SHTN1: variants seen among roughly 807,000 people sequenced by gnomAD.
SHTN1 encodes the protein shootin 1, also known as shootin-1.
In SHTN1, 42 loss-of-function variants were observed where a neutral mutation model predicts 83.1. That is an observed-to-expected ratio of 0.51 (90% CI 0.39 to 0.65). SHTN1 has a LOEUF of 0.65. Ranked by LOEUF, SHTN1 falls within the 30% of genes least tolerant of loss-of-function variation. The probability of loss-of-function intolerance (pLI) is 0.00; values close to 1 mark genes in which losing one functional copy is unlikely to be tolerated. For synonymous variants in SHTN1, 224 were observed against 247.7 expected (o/e 0.90, Z 0.90); for missense variants, 622 against 737.8 (o/e 0.84, Z 1.82).
At position 116,883,098 on chromosome 10, in the gene SHTN1, T is replaced by G. The variant is rs1847068191; in HGVS notation, c.*3246A>C. The G allele has an allele frequency of 6.6e-6, 1 of 151,884 alleles. No homozygotes were observed. Among genetic ancestry groups the G allele is most frequent in the Non-Finnish European group, 1.5e-5 (1 of 67,998 alleles). The allele number at this position is 151,884 out of a possible 1,614,324, so 9.4% of individuals were successfully genotyped here. On this transcript the variant is annotated 3_prime_UTR_variant, in exon 17 of 17. Transcript: ENST00000355371. ...TGAATAACAAAATAACTAAATTAAA[T>G]TAACCAAAGAGGTGATTTATTACAA...
rs537210931 is a variant in SHTN1 at position 116,987,291 on chromosome 10, A to T, written c.59-7983T>A. ...AATGATAAAACTATGATCTAATCAC[A>T]GAACTACAGAACACTTCCCTTCCTT... On this transcript the variant is annotated intron_variant, in intron 1 of 16. Transcript: ENST00000355371. 1.1e-4 allele frequency among the ~76,000 whole-genome samples: 16 copies of T among 152,324 alleles called. No homozygotes were observed. The East Asian group carries it at 3.1e-3, about 29-fold the overall frequency.
At chr10:116,940,425 A>ATG (rs112059393) in intron 9 of SHTN1, 41 bp downstream of exon 9, 8 of 1,586,068 alleles carry the variant, frequency 5.0e-6, no homozygotes, top group African/African-American at 1.3e-5. Flanking sequence ...GTATGCATGT[A>ATG]TGTGTGTGTG....
Position 116,979,248 on chromosome 10 carries a change from G to T in SHTN1, c.111+8C>A, listed in dbSNP as rs901497010. On this transcript the variant is annotated splice_region_variant and intron_variant, in intron 2 of 16. Transcript: ENST00000355371. ...TAAGAAAGGGGAAAAAAAAGGTAAA[G>T]TACAAACCTTCTCCTTTGTTTTCTG... The T allele has an allele frequency of 1.2e-5, 19 of 1,612,324 alleles. No individual in the cohort carries two copies. Among genetic ancestry groups the T allele is most frequent in the African/African-American group, 2.7e-5 (2 of 74,884 alleles).
At chr10:117,050,176 G>A (rs1449692149) in intron 1 of SHTN1, among the ~76,000 whole-genome samples, 6 of 151,938 alleles carry the variant, frequency 3.9e-5, no homozygotes, top group South Asian at 4.2e-4. Context: ...AAAATAGAAC[G>A]ATAACAATAG....
At chr10:116,984,575 AC>A in intron 1 of SHTN1, among the ~76,000 whole-genome samples, 1 of 152,182 alleles carries the variant, frequency 6.6e-6, no homozygotes, top group Non-Finnish European at 1.5e-5. Context: ...CTGCAGGATC[AC>A]CCTTGAGTTC....
intron 14 of SHTN1, among the ~76,000 whole-genome samples, chr10:116,910,225 G>C (rs1374880595): frequency 1.3e-5 from 2 of 152,080 alleles, no homozygotes; most frequent in Non-Finnish European, 2.9e-5. Context: ...AGAGAGTAGG[G>C]GAGAGGATCA....
chr10:117,092,216 T>A (rs1853440855), intron 1 of SHTN1, among the ~76,000 whole-genome samples: 1 of 152,230 alleles, frequency 6.6e-6, no homozygotes, highest in South Asian at 2.1e-4. Flanking sequence ...TGAACTGATT[T>A]GAAGCCATGG....
chr10:117,041,744 C>A (rs988958816), intron 2 of SHTN1, among the ~76,000 whole-genome samples: 1 of 151,952 alleles, frequency 6.6e-6, no homozygotes, highest in Non-Finnish European at 1.5e-5. Context: ...TACCGCTAGC[C>A]CATCACGTGA....
chr10:116,980,088 T>TAAATCCCC (rs1246038028), intron 1 of SHTN1, among the ~76,000 whole-genome samples: 1 of 151,874 alleles, frequency 6.6e-6, no homozygotes, highest in East Asian at 1.9e-4. Context: ...AAACGAAACC[T>TAAATCCCC]AAATCCCCAC....
chr10:116,925,028 T>C (rs545384084), intron 11 of SHTN1, among the ~76,000 whole-genome samples: 1 of 152,274 alleles, frequency 6.6e-6, no homozygotes, highest in South Asian at 2.1e-4. Flanking sequence ...AGTGCTGGGA[T>C]TACAGGCGTG....
chr10:116,989,278 A>G (rs912261452), intron 1 of SHTN1, among the ~76,000 whole-genome samples: 28 of 152,232 alleles, frequency 1.8e-4, no homozygotes, highest in African/African-American at 6.3e-4. Flanking sequence ...GCTATGAACT[A>G]AAGTCCATAT....
chr10:116,951,729 A>C (rs1008959812), intron 6 of SHTN1, among the ~76,000 whole-genome samples, 180 bp downstream of exon 6: 2 of 152,206 alleles, frequency 1.3e-5, no homozygotes, highest in African/African-American at 4.8e-5. Context: ...TGGGTACATG[A>C]ATCTTCATCA....
intron 1 of SHTN1, among the ~76,000 whole-genome samples, chr10:117,078,542 G>A (rs377156252): frequency 2.6e-5 from 4 of 152,206 alleles, no homozygotes; most frequent in Non-Finnish European, 5.9e-5. Flanking sequence ...CCATGCAGAT[G>A]CTCCTGATGT....
chr10:116,908,260 A>G (rs1423412639), intron 14 of SHTN1, among the ~76,000 whole-genome samples: 2 of 152,216 alleles, frequency 1.3e-5, no homozygotes, highest in Admixed American at 6.5e-5. Context: ...TTTTTTCCTT[A>G]GAAGTATCTC....
chr10:116,955,584 CTTTCA>C (rs1651728208), intron 4 of SHTN1, among the ~76,000 whole-genome samples: 2 of 152,146 alleles, frequency 1.3e-5, no homozygotes, highest in Admixed American at 1.3e-4. Flanking sequence ...TGACTTTGCT[CTTTCA>C]TTTGTGATCA....
upstream of SHTN1, chr10:117,005,301 G>T (rs956973919): frequency 1.4e-6 from 2 of 1,418,462 alleles, no homozygotes; most frequent in African/African-American, 2.9e-5. Flanking sequence ...GGGGCGGGGC[G>T]GGCCCAGCAG....
chr10:117,097,887 G>T (rs1853528596), intron 1 of SHTN1, among the ~76,000 whole-genome samples: 1 of 152,012 alleles, frequency 6.6e-6, no homozygotes, highest in Admixed American at 6.5e-5. Flanking sequence ...GGTTATCAAA[G>T]GTTGTTTTTT....
chr10:117,005,035 A>C lies in SHTN1; in HGVS notation c.45T>G (p.Ser15Arg). ...DEEKQLQLIT[S>R]LKEQAIGEYE... The stretch of plus-strand genomic sequence containing the variant: ...CGTGCTGCCTACCTTGCTCCTTCAG[A>C]CTGGTAATGAGCTGCAGCTGCTTCT... Residue 15 changes from serine to arginine, a missense_variant, in exon 1 of 17, where the codon AGT (serine) becomes AGG (arginine). This residue lies in a region of SHTN1 where 383 missense variants were observed against 455.8 expected (regional missense o/e 0.84). Coordinates refer to ENST00000355371, the MANE Select transcript of SHTN1 (RefSeq NM_001127211.3). The C allele has an allele frequency of 6.3e-7, 1 of 1,597,802 alleles. No individual in the cohort carries two copies. The highest frequency in any genetic ancestry group is 8.5e-7 in the Non-Finnish European group (1 of 1,172,736).
At chr10:116,901,516 G>C (rs1483913557) in intron 16 of SHTN1, 9 of 985,130 alleles carry the variant, frequency 9.1e-6, no homozygotes, top group Non-Finnish European at 1.1e-5. Context: ...TATTTGTGTA[G>C]AAGAACCTGA....
Sources: allele counts gnomAD v4.1 joint callset (sites outside exome capture counted in the v4.1 genomes callset), GRCh38; gene constraint gnomAD v4.1.1; regional missense constraint gnomAD v4.1.1; transcripts MANE v1.5; gene names NCBI Gene and HGNC (gene_info 2026-07-23, HGNC 2026-07-21).